Variants in ADAMTS3 observed in about 807,000 individuals in gnomAD.
ADAMTS3 encodes ADAM metallopeptidase with thrombospondin type 1 motif 3, also known as A disintegrin and metalloproteinase with thrombospondin motifs 3.
In ADAMTS3, 73 loss-of-function variants were observed where a neutral mutation model predicts 129.0. That is an observed-to-expected ratio of 0.57 (90% CI 0.47 to 0.69). The LOEUF is 0.69. Ranked by LOEUF, ADAMTS3 falls within the 30% of genes least tolerant of loss-of-function variation. ADAMTS3 has a pLI of 0.00. For missense variants in ADAMTS3, 1,457 were observed against 1,514.5 expected (o/e 0.96, Z 0.63); for synonymous variants, 477 against 510.8 (o/e 0.93, Z 0.89).
chr4:72,283,574 T>G lies in ADAMTS3; in HGVS notation c.3180A>C (p.Pro1060=), dbSNP rs2109761754. ...CSKRSSTLPP[P]YLLEAAETHD... ...GAGTTTCAGCAGCTTCTAGAAGGTA[T>G]GGTGGTGGCAGGGTGCTACTGCGCT... Residue 1060 remains proline (P), a synonymous_variant, in exon 22 of 22, where the codon CCA becomes CCC. Coordinates refer to ENST00000286657, the MANE Select transcript of ADAMTS3 (RefSeq NM_014243.3). 6.2e-7 allele frequency: 1 copy of G among 1,614,078 alleles called. No homozygotes were observed. Among genetic ancestry groups the G allele is most frequent in the East Asian group, 2.2e-5 (1 of 44,862 alleles).
At chr4:72,383,144 T>C (rs1199819304) in intron 4 of ADAMTS3, among the ~76,000 whole-genome samples, 1 of 151,928 alleles carries the variant, frequency 6.6e-6, no homozygotes, top group African/African-American at 2.4e-5. Context: ...GCTGGTGACA[T>C]CTTCCACATT....
intron 3 of ADAMTS3, among the ~76,000 whole-genome samples, chr4:72,486,186 T>C (rs1162105152): frequency 2.0e-5 from 3 of 152,092 alleles, no homozygotes; most frequent in African/African-American, 7.2e-5. Flanking sequence ...CATTTCTGTT[T>C]TATAAATGAG....
chr4:72,456,977 A>T (rs1002346981), intron 3 of ADAMTS3, among the ~76,000 whole-genome samples: 1 of 151,820 alleles, frequency 6.6e-6, no homozygotes, highest in African/African-American at 2.4e-5. Flanking sequence ...AAGTTTGTAG[A>T]AATCATCATG....
intron 3 of ADAMTS3, among the ~76,000 whole-genome samples, chr4:72,468,381 T>C (rs762706935): frequency 6.6e-6 from 1 of 152,092 alleles, no homozygotes; most frequent in Non-Finnish European, 1.5e-5. Flanking sequence ...TCTTTTCAAA[T>C]ACAAATACTC....
rs1718857500 is a variant in ADAMTS3, at chr4:72,298,193, G to A, written c.2590+84C>T. Reference sequence around the variant, plus strand: ...TTGGTGTTTCTCAGATTGTGGCCTCGATTAGAGACAGCAATAAAGGTAGAA... The same window carrying A: ...TTGGTGTTTCTCAGATTGTGGCCTCAATTAGAGACAGCAATAAAGGTAGAA... On this transcript the variant is annotated intron_variant, in intron 18 of 21. Transcript: ENST00000286657. The A allele has an allele frequency of 6.1e-6, 7 of 1,142,350 alleles. No individual in the cohort carries two copies. In the South Asian group the frequency reaches 7.4e-5, roughly 12 times the overall value. 70.8% of individuals were successfully genotyped at this position (1,142,350 alleles called of 1,614,324 possible). A position where few individuals can be genotyped will look rare whatever the true frequency, so the allele number is the denominator to read the frequency against.
At chr4:72,539,070 A>AT (rs1553921801) in intron 3 of ADAMTS3, among the ~76,000 whole-genome samples, 2 of 152,080 alleles carry the variant, frequency 1.3e-5, no homozygotes, top group African/African-American at 4.8e-5. Context: ...CTTGTTAAAA[A>AT]ATATATATAT....
intron 3 of ADAMTS3, among the ~76,000 whole-genome samples, chr4:72,497,748 C>CGG (rs1258896662): frequency 2.2e-4 from 2 of 9,016 alleles, no homozygotes; most frequent in Admixed American, 6.1e-3. Context: ...TGATTATCAT[C>CGG]AGAAAAAAAG....
intron 3 of ADAMTS3, among the ~76,000 whole-genome samples, chr4:72,481,441 A>G (rs1458640369): frequency 6.6e-6 from 1 of 152,168 alleles, no homozygotes; most frequent in Non-Finnish European, 1.5e-5. Context: ...AGGCAATTCA[A>G]TAAAAGAAAG....
At chr4:72,319,190 G>T in intron 9 of ADAMTS3, 142 bp downstream of exon 9, 1 of 985,550 alleles carries the variant, frequency 1.0e-6, no homozygotes, top group Non-Finnish European at 1.5e-6. Flanking sequence ...TTTTTGTGCT[G>T]AATGTTCTAA....
intron 3 of ADAMTS3, among the ~76,000 whole-genome samples, chr4:72,480,894 T>A (rs1578721133): frequency 6.6e-6 from 1 of 151,630 alleles, no homozygotes; most frequent in African/African-American, 2.4e-5. Context: ...CCTGCAAAAA[T>A]AAATTGTATT....
In ADAMTS3 at chr4:72,530,801, T is replaced by C. The variant is rs1339909910; in HGVS notation, c.504+17677A>G. On this transcript the variant is annotated intron_variant, in intron 3 of 21. Transcript: ENST00000286657. ...ATTATATTATACATTATATATTATA[T>C]ATATTATATATTATATATTATATAG... Among the ~76,000 whole-genome samples the C allele has an allele frequency of 2.9e-4, 15 of 52,510 alleles. 1 individual carries two copies. Among genetic ancestry groups the C allele is most frequent in the Non-Finnish European group, 5.5e-4 (15 of 27,322 alleles). 34.4% of individuals were successfully genotyped at this position (52,510 alleles called of 152,430 possible).
intron 3 of ADAMTS3, among the ~76,000 whole-genome samples, chr4:72,420,930 A>C (rs1722428297): frequency 6.6e-6 from 1 of 151,818 alleles, no homozygotes; most frequent in South Asian, 2.1e-4. Flanking sequence ...CAGAATTGTA[A>C]TTAAGAAAAA....
At position 72,313,785 on chromosome 4, in the gene ADAMTS3, T is replaced by C. The variant is rs201512265; in HGVS notation, c.1637A>G (p.Asn546Ser). 6 of 1,613,856 alleles carry C rather than the reference T, an allele frequency of 3.7e-6. No homozygotes were observed. The East Asian group carries it at 1.3e-4, about 36-fold the overall frequency. Residue 546 changes from asparagine to serine, a missense_variant, in exon 12 of 22, where the codon AAT (asparagine) becomes AGT (serine). Physicochemically the swap from Asn to Ser is conservative, Grantham distance 46. Coordinates refer to ENST00000286657, the MANE Select transcript of ADAMTS3 (RefSeq NM_014243.3). ...CCAATTGCCATCTTGTTTTTGCTGA[T>C]TAGCATTCTTCCACATGCAATGACC... is the stretch of plus-strand genomic sequence containing the variant. ...YKGHCMWKNA[N>S]QQKQDGNWGS...
chr4:72,411,512 T>A (rs758499322), intron 4 of ADAMTS3, among the ~76,000 whole-genome samples: 1 of 151,872 alleles, frequency 6.6e-6, no homozygotes, highest in Non-Finnish European at 1.5e-5. Flanking sequence ...AATGACAGAG[T>A]AGAAGGCAAG....
At chr4:72,529,424 G>GC (rs1720899948) in intron 3 of ADAMTS3, among the ~76,000 whole-genome samples, 1 of 151,678 alleles carries the variant, frequency 6.6e-6, no homozygotes, top group African/African-American at 2.4e-5. Flanking sequence ...GGATTCTGAT[G>GC]CCTACTAAGA....
chr4:72,514,407 T>A (rs1213788579), intron 3 of ADAMTS3, among the ~76,000 whole-genome samples: 1 of 152,170 alleles, frequency 6.6e-6, no homozygotes, highest in Non-Finnish European at 1.5e-5. Context: ...GGGAGTATTA[T>A]AAAACCATGA....
intron 3 of ADAMTS3, among the ~76,000 whole-genome samples, chr4:72,434,110 T>A (rs935321521): frequency 3.3e-5 from 5 of 151,550 alleles, no homozygotes; most frequent in African/African-American, 9.7e-5. Context: ...GAGAACAGAG[T>A]AAACAGATCA....
chr4:72,433,813 C>T (rs1722754960), intron 3 of ADAMTS3, among the ~76,000 whole-genome samples: 1 of 151,932 alleles, frequency 6.6e-6, no homozygotes, highest in South Asian at 2.1e-4. Context: ...CTTTCTGTTA[C>T]ATATGCTAGC....
At chr4:72,527,865 C>T (rs1044420500) in intron 3 of ADAMTS3, among the ~76,000 whole-genome samples, 1 of 152,084 alleles carries the variant, frequency 6.6e-6, no homozygotes. Flanking sequence ...ATCCTGAAAC[C>T]TAGAGGGGGA....
Sources: allele counts gnomAD v4.1 joint callset (sites outside exome capture counted in the v4.1 genomes callset), GRCh38; gene constraint gnomAD v4.1.1; transcripts MANE v1.5; gene names NCBI Gene and HGNC (gene_info 2026-07-23, HGNC 2026-07-21).